The following STAB2 variants were observed in gnomAD, a reference collection of about 807,000 sequenced individuals.
STAB2 encodes the protein stabilin 2, also known as stabilin-2.
STAB2 carries 288 observed loss-of-function variants against 338.1 expected under a neutral mutation model. That is an observed-to-expected ratio of 0.85 (90% CI 0.77 to 0.94). The LOEUF (loss-of-function observed/expected upper bound fraction) is 0.94. Ranked by LOEUF, STAB2 falls within the 40% of genes least tolerant of loss-of-function variation. The pLI is 0.00. For missense variants in STAB2, 3,141 were observed against 3,210.1 expected (o/e 0.98, Z 0.52); for synonymous variants, 1,202 against 1,193.3 (o/e 1.01, Z -0.15).
At chr12:103,630,572 A>G (rs1482653977) in intron 5 of STAB2, among the ~76,000 whole-genome samples, 3 of 152,240 alleles carry the variant, frequency 2.0e-5, no homozygotes, top group Non-Finnish European at 4.4e-5. Context: ...GGCTTAAGAT[A>G]GGGAGAGTAT....
At chr12:103,593,116 T>C (rs1338432727) in intron 2 of STAB2, among the ~76,000 whole-genome samples, 1 of 152,218 alleles carries the variant, frequency 6.6e-6, no homozygotes, top group East Asian at 1.9e-4. Flanking sequence ...TGAATAATGC[T>C]GCAGTGAACA....
At chr12:103,599,803 A>T (rs1017137718) in intron 3 of STAB2, among the ~76,000 whole-genome samples, 21 of 152,154 alleles carry the variant, frequency 1.4e-4, no homozygotes, top group African/African-American at 4.8e-4. Context: ...TGCCTGGTGG[A>T]TGGTAAGCCT....
intron 3 of STAB2, among the ~76,000 whole-genome samples, chr12:103,612,341 T>G (rs1408601523): frequency 6.6e-6 from 1 of 152,246 alleles, no homozygotes; most frequent in African/African-American, 2.4e-5. Context: ...GTAGATTTGG[T>G]CTTTTCACAT....
At chr12:103,612,950 C>T (rs942015756) in intron 3 of STAB2, among the ~76,000 whole-genome samples, 4 of 152,176 alleles carry the variant, frequency 2.6e-5, no homozygotes, top group Admixed American at 2.6e-4. Context: ...GCTGGAGGTC[C>T]ACTCCAGATC....
chr12:103,743,270 C>T (rs185157522), intron 56 of STAB2, among the ~76,000 whole-genome samples: 50 of 152,238 alleles, frequency 3.3e-4, no homozygotes, highest in Non-Finnish European at 5.7e-4. Context: ...GATCCACCCG[C>T]CTCAGCCTCC....
Position 103,692,876 on chromosome 12 carries a change from A to G in STAB2, c.3362A>G (p.His1121Arg), listed in dbSNP as rs1878071205. 6.2e-7 allele frequency: 1 copy of G among 1,613,194 alleles called. No homozygotes were observed. The highest frequency in any genetic ancestry group is 8.5e-7 in the Non-Finnish European group (1 of 1,179,274). Residue 1121 changes from histidine (H) to arginine (R), a missense_variant, in exon 31 of 69, where the codon CAC (histidine) becomes CGC (arginine). Coordinates refer to ENST00000388887, the MANE Select transcript of STAB2 (RefSeq NM_017564.10). ...GDNAATNGVIHIINKVLVPQR... is the reference protein window; with the variant it reads ...GDNAATNGVIRIINKVLVPQR... ...AACGCAGCCACAAATGGAGTGATAC[A>G]CATCATCAACAAGGTACAAGATTCC... is the stretch of plus-strand genomic sequence containing the variant.
intron 3 of STAB2, among the ~76,000 whole-genome samples, chr12:103,605,180 T>C (rs1337933159): frequency 6.6e-6 from 1 of 151,974 alleles, no homozygotes; most frequent in Non-Finnish European, 1.5e-5. Flanking sequence ...TCCAAATATG[T>C]TTCTTTTATT....
At chr12:103,698,818 T>C (rs1374229375) in intron 33 of STAB2, among the ~76,000 whole-genome samples, 1 of 152,142 alleles carries the variant, frequency 6.6e-6, no homozygotes, top group Non-Finnish European at 1.5e-5. Context: ...ATTATCACCT[T>C]TAAAATCTAC....
intron 3 of STAB2, among the ~76,000 whole-genome samples, chr12:103,612,559 G>T (rs1249090851): frequency 2.6e-5 from 4 of 152,172 alleles, no homozygotes; most frequent in Non-Finnish European, 5.9e-5. Flanking sequence ...GGACTTCTCT[G>T]CATTGGTTAT....
chr12:103,647,874 T>C lies in STAB2; in HGVS notation c.1041-816T>C, dbSNP rs137951829. On this transcript the variant is annotated intron_variant, in intron 9 of 68. Transcript: ENST00000388887. ...CATTGTTTACATATTTATTTCATAG[T>C]TTGTATATTTATTTTCATTGTTTAT... is the stretch of plus-strand genomic sequence containing the variant. Among the ~76,000 whole-genome samples, 699 of 152,362 alleles carry C rather than the reference T, an allele frequency of 4.6e-3. 5 individuals carry two copies. The highest frequency in any genetic ancestry group is 0.016 in the African/African-American group (673 of 41,578).
intron 6 of STAB2, among the ~76,000 whole-genome samples, chr12:103,635,820 G>T (rs759487668): frequency 1.3e-5 from 2 of 152,134 alleles, no homozygotes; most frequent in Non-Finnish European, 1.5e-5. Context: ...GAGTTCCAAG[G>T]CTTGTGACCT....
intron 55 of STAB2, among the ~76,000 whole-genome samples, 155 bp downstream of exon 55, chr12:103,740,911 T>G (rs576202744): frequency 2.2e-4 from 33 of 152,290 alleles, no homozygotes; most frequent in African/African-American, 7.9e-4. Flanking sequence ...TGTGTATCAT[T>G]CCTTCTACTT....
At chr12:103,647,178 A>G (rs1296314270) in intron 9 of STAB2, among the ~76,000 whole-genome samples, 1 of 152,222 alleles carries the variant, frequency 6.6e-6, no homozygotes, top group Non-Finnish European at 1.5e-5. Context: ...AACAGATTTC[A>G]GGGTAGAACA....
chr12:103,679,328 A>G (rs980731890), intron 25 of STAB2, among the ~76,000 whole-genome samples: 1 of 151,872 alleles, frequency 6.6e-6, no homozygotes, highest in Non-Finnish European at 1.5e-5. Context: ...AGATCGTGCC[A>G]TTGCATTCCA....
In STAB2 at chr12:103,638,213, G is replaced by A. The variant is rs761474268; in HGVS notation, c.906+1G>A. On this transcript the variant is annotated splice_donor_variant, in intron 8 of 68. Coordinates refer to ENST00000388887, the MANE Select transcript of STAB2 (RefSeq NM_017564.10). LOFTEE classifies it high-confidence loss of function. ...GTGCAAATATGATGGGCCTGGACAGGTGAGCAAATGATGCAGGGAACTGAT... is the reference window on the plus strand; with the variant it reads ...GTGCAAATATGATGGGCCTGGACAGATGAGCAAATGATGCAGGGAACTGAT... The A allele has an allele frequency of 1.1e-5, 18 of 1,612,564 alleles. No homozygotes were observed. The Admixed American group carries it at 2.0e-4, about 18-fold the overall frequency.
In STAB2 at chr12:103,740,646, G is replaced by T. The variant is rs372110731; in HGVS notation, c.5771G>T (p.Cys1924Phe). 1 of 1,612,378 alleles carries T rather than the reference G, an allele frequency of 6.2e-7. No homozygotes were observed. The highest frequency in any genetic ancestry group is 1.1e-5 in the South Asian group (1 of 90,640). Residue 1924 changes from cysteine to phenylalanine, a missense_variant, in exon 55 of 69, where the codon TGT becomes TTT. By Grantham distance (205) the Cys-to-Phe change is radical. Coordinates refer to ENST00000388887, the MANE Select transcript of STAB2 (RefSeq NM_017564.10). ...WSKPKGVKQKCLYNLPFKRNL... is the reference protein window; with the variant it reads ...WSKPKGVKQKFLYNLPFKRNL... ...TTCCCTTAGGGTGTGAAGCAGAAGT[G>T]TCTCTACAACCTGCCCTTCAAGAGG...
At position 103,644,530 on chromosome 12, in the gene STAB2, A is replaced by AAAAT. The variant is rs58759684; in HGVS notation, c.1041-4120_1041-4117dup. On this transcript the variant is annotated intron_variant, in intron 9 of 68. Coordinates refer to ENST00000388887, the MANE Select transcript of STAB2 (RefSeq NM_017564.10). ...GAGAAACACCCAAGAATGATCAATA[A>AAAAT]AAATAAATAAATAAATAAATAAATA... 3.7e-3 allele frequency among the ~76,000 whole-genome samples: 527 copies of AAAAT among 144,312 alleles called. 6 individuals carry two copies. In the East Asian group the frequency reaches 0.044, roughly 12 times the overall value. 94.7% of individuals were successfully genotyped at this position (144,312 alleles called of 152,430 possible). A position where few individuals can be genotyped will look rare whatever the true frequency, so the allele number is the denominator to read the frequency against.
At position 103,719,048 on chromosome 12, in the gene STAB2, C is replaced by T. The variant is rs144659725; in HGVS notation, c.4683+1207C>T. On this transcript the variant is annotated intron_variant, in intron 44 of 68. Transcript: ENST00000388887. ...GCAGGCTGGACCCATGTTATGCAAACGAGGAGTTTACTCAGTCATTAATCA... is the reference window on the plus strand; with the variant it reads ...GCAGGCTGGACCCATGTTATGCAAATGAGGAGTTTACTCAGTCATTAATCA... 2.0e-3 allele frequency among the ~76,000 whole-genome samples: 301 copies of T among 152,284 alleles called. 1 individual carries two copies. Among genetic ancestry groups the T allele is most frequent in the Middle Eastern group, 3.4e-3 (1 of 294 alleles).
rs1428196553 is a variant in STAB2, at chr12:103,735,396, T to C, written c.5461-95T>C. The stretch of plus-strand genomic sequence containing the variant: ...AAGTTATTATAACTCGTGGAAAAAT[T>C]TGCATCTGAATTTGGTTTTTTGGTA... On this transcript the variant is annotated intron_variant, in intron 51 of 68. Transcript: ENST00000388887. 3 of 702,066 alleles carry C rather than the reference T, an allele frequency of 4.3e-6. No individual in the cohort carries two copies. In the South Asian group the frequency reaches 6.9e-5, roughly 16 times the overall value. The allele number at this position is 702,066 out of a possible 1,614,324, so 43.5% of individuals were successfully genotyped here.
Sources: allele counts gnomAD v4.1 joint callset (sites outside exome capture counted in the v4.1 genomes callset), GRCh38; gene constraint gnomAD v4.1.1; transcripts MANE v1.5; gene names NCBI Gene and HGNC (gene_info 2026-07-23, HGNC 2026-07-21).